Variants in TRPC3 observed in about 807,000 individuals in gnomAD.
TRPC3 encodes the protein short transient receptor potential channel 3.
A neutral mutation model predicts 90.9 loss-of-function variants in TRPC3; 54 were observed. That is an observed-to-expected ratio of 0.59 (90% CI 0.48 to 0.75). TRPC3 has a LOEUF of 0.75. Among genes scored for constraint, TRPC3 ranks in the 30% least tolerant of loss-of-function variants. TRPC3 has a pLI of 0.00. For synonymous variants in TRPC3, 424 were observed against 450.9 expected, an observed-to-expected ratio of 0.94 and a Z score of 0.75; for missense variants, 918 against 1,194.5, an observed-to-expected ratio of 0.77 and a Z score of 3.41.
chr4:121,912,994 T>C (rs915909145), intron 4 of TRPC3, among the ~76,000 whole-genome samples: 1 of 152,228 alleles, frequency 6.6e-6, no homozygotes, highest in African/African-American at 2.4e-5. Context: ...TGTGACCTTA[T>C]AAAGTACTGA....
At chr4:121,903,743 T>C (rs1336365872) in intron 8 of TRPC3, among the ~76,000 whole-genome samples, 3 of 152,166 alleles carry the variant, frequency 2.0e-5, no homozygotes, top group Non-Finnish European at 2.9e-5. Flanking sequence ...AAACTTCTAC[T>C]TTGAGAACAC....
intron 1 of TRPC3, among the ~76,000 whole-genome samples, chr4:121,949,947 T>C (rs1730627768): frequency 6.6e-6 from 1 of 152,112 alleles, no homozygotes; most frequent in Non-Finnish European, 1.5e-5. Flanking sequence ...GGATTTAAGG[T>C]TTTTAAAAAA....
At chr4:121,939,191 G>A (rs181532026) in intron 1 of TRPC3, among the ~76,000 whole-genome samples, 10 of 152,260 alleles carry the variant, frequency 6.6e-5, no homozygotes, top group African/African-American at 2.2e-4. Flanking sequence ...TTGGGTGGGT[G>A]TGTTCAAGGG....
At chr4:121,900,085 T>A (rs971247341) in intron 9 of TRPC3, among the ~76,000 whole-genome samples, 2 of 152,198 alleles carry the variant, frequency 1.3e-5, no homozygotes, top group African/African-American at 4.8e-5. Flanking sequence ...TAGATTTGAA[T>A]AGAAACATAT....
intron 10 of TRPC3, among the ~76,000 whole-genome samples, chr4:121,893,766 A>T (rs1161682799): frequency 6.6e-6 from 1 of 152,196 alleles, no homozygotes; most frequent in Non-Finnish European, 1.5e-5. Context: ...TTGTTAAAAT[A>T]TGAAGAATTC....
chr4:121,943,702 A>G (rs1730397623), intron 1 of TRPC3, among the ~76,000 whole-genome samples: 2 of 152,266 alleles, frequency 1.3e-5, no homozygotes, highest in African/African-American at 4.8e-5. Flanking sequence ...TCATATTTAA[A>G]TACATTAGTC....
intron 10 of TRPC3, among the ~76,000 whole-genome samples, chr4:121,895,581 A>C (rs1728490203): frequency 6.6e-6 from 1 of 152,068 alleles, no homozygotes; most frequent in African/African-American, 2.4e-5. Context: ...TAAATTAGAA[A>C]ACCTGGGAAA....
chr4:121,935,759 T>G (rs1730110491), intron 1 of TRPC3, among the ~76,000 whole-genome samples: 1 of 152,166 alleles, frequency 6.6e-6, no homozygotes, highest in Non-Finnish European at 1.5e-5. Context: ...AAATAAACTC[T>G]TATTAAAGTG....
chr4:121,899,951 ATTGGC>A (rs1300450225), intron 9 of TRPC3, among the ~76,000 whole-genome samples: 1 of 152,160 alleles, frequency 6.6e-6, no homozygotes, highest in Non-Finnish European at 1.5e-5. Context: ...TATGTTAAAA[ATTGGC>A]TCATAATAAA....
intron 10 of TRPC3, among the ~76,000 whole-genome samples, chr4:121,894,574 T>TTG (rs1553937556): frequency 2.8e-5 from 4 of 141,546 alleles, no homozygotes; most frequent in African/African-American, 1.1e-4. Context: ...TTTTTTTTTT[T>TTG]TTTTTTTGAG....
chr4:121,930,770 C>T, intron 2 of TRPC3: 1 of 371,412 alleles, frequency 2.7e-6, no homozygotes, highest in East Asian at 9.5e-5. Context: ...AAGTGCTTTA[C>T]CTAAATGCTT....
rs1727771464 is a variant in TRPC3, at chr4:121,876,697, A to G, written c.*3039T>C. Among the ~76,000 whole-genome samples, 1 of 152,188 alleles carries G rather than the reference A, an allele frequency of 6.6e-6. No individual in the cohort carries two copies. Among genetic ancestry groups the G allele is most frequent in the Non-Finnish European group, 1.5e-5 (1 of 68,040 alleles). On this transcript the variant is annotated 3_prime_UTR_variant, in exon 12 of 12. Transcript: ENST00000379645. Reference sequence around the variant, plus strand: ...CATAAACTCTGTAAAGATACTCTGTACCATTTTTCAAAGTTTTCTCATTAT... The same window carrying G: ...CATAAACTCTGTAAAGATACTCTGTGCCATTTTTCAAAGTTTTCTCATTAT...
chr4:121,937,356 C>T (rs1450205771), intron 1 of TRPC3, among the ~76,000 whole-genome samples: 1 of 152,202 alleles, frequency 6.6e-6, no homozygotes, highest in Non-Finnish European at 1.5e-5. Context: ...TCACTCTGGT[C>T]CTGCCAAAAA....
rs1224831845 is a variant in TRPC3 at position 121,914,143 on chromosome 4, G to A, written c.1341+637C>T. Among the ~76,000 whole-genome samples the A allele has an allele frequency of 3.3e-5, 5 of 152,244 alleles. No individual in the cohort carries two copies. In the East Asian group the frequency reaches 5.8e-4, roughly 18 times the overall value. On this transcript the variant is annotated intron_variant, in intron 4 of 11. Transcript: ENST00000379645. ...ATTTTACATTGGAAAGTTGAGAGGA[G>A]AATAAAGGTACTAACCAAAATGATC...
chr4:121,900,342 G>A (rs1421107133), intron 9 of TRPC3, among the ~76,000 whole-genome samples: 1 of 152,140 alleles, frequency 6.6e-6, no homozygotes, highest in Non-Finnish European at 1.5e-5. Flanking sequence ...TACGAGCAGG[G>A]CCTCTTATCT....
At chr4:121,944,596 C>T (rs542396160) in intron 1 of TRPC3, among the ~76,000 whole-genome samples, 279 of 152,242 alleles carry the variant, frequency 1.8e-3, no homozygotes, top group African/African-American at 6.4e-3. Context: ...TGGTCTAGTG[C>T]TGGACTGGGA....
intron 8 of TRPC3, 23 bp from the exon 9 acceptor site, chr4:121,903,084 A>C: frequency 6.4e-7 from 1 of 1,573,960 alleles, no homozygotes; most frequent in Non-Finnish European, 8.6e-7. Context: ...AATAGAAAAA[A>C]AAACTAATTT....
intron 3 of TRPC3, among the ~76,000 whole-genome samples, chr4:121,922,719 A>G (rs1227159987): frequency 1.3e-5 from 2 of 152,190 alleles, no homozygotes; most frequent in Non-Finnish European, 2.9e-5. Context: ...AAGAAAAGAG[A>G]TACATATTGC....
chr4:121,910,543 G>A (rs918808861), intron 5 of TRPC3, among the ~76,000 whole-genome samples, 156 bp from the exon 6 acceptor site: 1 of 152,132 alleles, frequency 6.6e-6, no homozygotes, highest in African/African-American at 2.4e-5. Context: ...GGTCACTGAG[G>A]CCCTGTGCAG....
Sources: allele counts gnomAD v4.1 joint callset (sites outside exome capture counted in the v4.1 genomes callset), GRCh38; gene constraint gnomAD v4.1.1; transcripts MANE v1.5; gene names NCBI Gene and HGNC (gene_info 2026-07-23, HGNC 2026-07-21).